EPN2: variants seen among roughly 807,000 people sequenced by gnomAD.
EPN2 encodes epsin-2.
Under a neutral mutation model 61.7 loss-of-function variants are expected in EPN2, and 34 were observed. The observed-to-expected ratio is 0.55, with a 90% CI of 0.42 to 0.73. EPN2 has a LOEUF of 0.73. EPN2 is among the 30% of genes least tolerant of loss of function. EPN2 has a pLI of 0.00. For missense variants in EPN2, 714 were observed against 839.2 expected (o/e 0.85, Z 1.84); for synonymous variants, 349 against 353.6 (o/e 0.99, Z 0.15).
At chr17:19,243,275 G>T (rs1321503859) in intron 1 of EPN2, among the ~76,000 whole-genome samples, 1 of 148,952 alleles carries the variant, frequency 6.7e-6, no homozygotes, top group Non-Finnish European at 1.5e-5. Flanking sequence ...GCTGGAGTGC[G>T]GTGGCGCGAT....
chr17:19,296,090 G>A (rs908351315), intron 4 of EPN2, among the ~76,000 whole-genome samples: 1 of 152,002 alleles, frequency 6.6e-6, no homozygotes, highest in Non-Finnish European at 1.5e-5. Flanking sequence ...AGCTCCTCCC[G>A]CAAGTCCACT....
chr17:19,267,507 G>A (rs982692922), intron 1 of EPN2, among the ~76,000 whole-genome samples: 1 of 150,322 alleles, frequency 6.7e-6, no homozygotes, highest in Non-Finnish European at 1.5e-5. Context: ...GTAAGTTGAT[G>A]TGAAGAAAAA....
At chr17:19,290,001 G>A (rs2045447219) in intron 4 of EPN2, among the ~76,000 whole-genome samples, 3 of 152,090 alleles carry the variant, frequency 2.0e-5, no homozygotes. Context: ...GATTACAGGC[G>A]TGAGCCACCA....
intron 1 of EPN2, among the ~76,000 whole-genome samples, chr17:19,266,371 C>T (rs1439046958): frequency 6.6e-6 from 1 of 152,058 alleles, no homozygotes; most frequent in Non-Finnish European, 1.5e-5. Context: ...ACAAACACCC[C>T]ATAGATGTCC....
At chr17:19,286,550 C>T (rs1406711220) in intron 4 of EPN2, among the ~76,000 whole-genome samples, 2 of 152,206 alleles carry the variant, frequency 1.3e-5, no homozygotes, top group South Asian at 2.1e-4. Flanking sequence ...GGGTTCTCTG[C>T]TACAGGGAAG....
At chr17:19,314,032 A>G (rs1354567876) in intron 7 of EPN2, among the ~76,000 whole-genome samples, 2 of 152,138 alleles carry the variant, frequency 1.3e-5, no homozygotes, top group Non-Finnish European at 2.9e-5. Flanking sequence ...ATCTTGTGGC[A>G]TCTTGCCTGT....
Position 19,282,985 on chromosome 17 carries a change from A to G in EPN2, c.-135A>G, listed in dbSNP as rs2045372425. 3 of 655,512 alleles carry G rather than the reference A, an allele frequency of 4.6e-6. No homozygotes were observed. The highest frequency in any genetic ancestry group is 2.8e-5 in the East Asian group (1 of 35,982). The allele number at this position is 655,512 out of a possible 1,614,324, so 40.6% of individuals were successfully genotyped here. ...CCAGCTTTTCGAATCTGAGGCTCCA[A>G]AGGAGGAAATGACCATTCAGGGATC... On this transcript the variant is annotated 5_prime_UTR_variant, in exon 3 of 11. Coordinates refer to ENST00000314728, the MANE Select transcript of EPN2 (RefSeq NM_014964.5).
At chr17:19,242,119 T>C (rs2044890696) in intron 1 of EPN2, among the ~76,000 whole-genome samples, 1 of 137,810 alleles carries the variant, frequency 7.3e-6, no homozygotes, top group Non-Finnish European at 1.5e-5. Context: ...ACACTAGATT[T>C]GGTGTTTGAT....
intron 1 of EPN2, among the ~76,000 whole-genome samples, chr17:19,272,341 C>T (rs1003132892): frequency 2.0e-5 from 3 of 152,110 alleles, no homozygotes; most frequent in Non-Finnish European, 2.9e-5. Context: ...GTTTTTTGCC[C>T]ACCATGAAGC....
At chr17:19,319,243 T>TA (rs1446933896) in intron 7 of EPN2, among the ~76,000 whole-genome samples, 2 of 152,164 alleles carry the variant, frequency 1.3e-5, no homozygotes, top group Non-Finnish European at 2.9e-5. Flanking sequence ...TGTTAACTCT[T>TA]AAAGATATAA....
rs565393772 is a variant in EPN2 at position 19,304,870 on chromosome 17, C to T, written c.767-5015C>T. ...GTGAGAGGTGGTAGCAGTGCTTGGG[C>T]CCACATGGGGTCTTCTCACGCCCCC... On this transcript the variant is annotated intron_variant, in intron 4 of 10. Coordinates refer to ENST00000314728, the MANE Select transcript of EPN2 (RefSeq NM_014964.5). Among the ~76,000 whole-genome samples, 13 of 152,280 alleles carry T rather than the reference C, an allele frequency of 8.5e-5. No homozygotes were observed. In the East Asian group the frequency reaches 2.5e-3, roughly 29 times the overall value.
At chr17:19,333,779 G>T (rs578106975) in intron 10 of EPN2, among the ~76,000 whole-genome samples, 177 bp from the exon 11 acceptor site, 3 of 152,322 alleles carry the variant, frequency 2.0e-5, no homozygotes, top group African/African-American at 7.2e-5. Flanking sequence ...CATCCTTAAA[G>T]TGCAGATTCA....
At position 19,284,573 on chromosome 17, in the gene EPN2, T is replaced by C. The variant is rs146329786; in HGVS notation, c.595+859T>C. Among the ~76,000 whole-genome samples, 1,065 of 152,292 alleles carry C rather than the reference T, an allele frequency of 7.0e-3. 11 individuals are homozygous for C. Among genetic ancestry groups the C allele is most frequent in the African/African-American group, 0.025 (1,030 of 41,536 alleles). ...GGAGGTGGGGATTGTAGAAATTATA[T>C]CTTCTGGCTGCTAAAACAAAAGTGC... On this transcript the variant is annotated intron_variant, in intron 3 of 10. Transcript: ENST00000314728.
At chr17:19,324,145 A>G (rs539179229) in intron 7 of EPN2, among the ~76,000 whole-genome samples, 1 of 152,402 alleles carries the variant, frequency 6.6e-6, no homozygotes, top group Admixed American at 6.5e-5. Flanking sequence ...TCCTAGACAG[A>G]AAAGCTAGTC....
At chr17:19,328,306 C>A (rs1344238296) in intron 7 of EPN2, among the ~76,000 whole-genome samples, 1 of 152,134 alleles carries the variant, frequency 6.6e-6, no homozygotes, top group African/African-American at 2.4e-5. Context: ...GGGAGGGCTG[C>A]CTGGGGCCCC....
rs139345850 is a variant in EPN2 at position 19,265,288 on chromosome 17, G to C, written c.-293-16667G>C. ...CTGTACTTAGGAGACTGAGGTAAGA[G>C]AATCACTTGTGCCTGGGAGGTCCAG... On this transcript the variant is annotated intron_variant, in intron 1 of 10. Coordinates refer to ENST00000314728, the MANE Select transcript of EPN2 (RefSeq NM_014964.5). Among the ~76,000 whole-genome samples the C allele has an allele frequency of 1.4e-3, 206 of 151,422 alleles. 4 individuals are homozygous for C. The South Asian group carries it at 0.02, about 14-fold the overall frequency.
At position 19,312,135 on chromosome 17, in the gene EPN2, A is replaced by G. The variant is rs756203694; in HGVS notation, c.963A>G (p.Lys321=). ...ESRRDTVKIP[K]KKEHGSLPQQ... ...GAAGGGACACAGTTAAAATTCCAAA[A>G]AAGAAAGAGGTAAGAGCTTGCTGGG... Residue 321 remains lysine (K), a synonymous_variant, in exon 6 of 11, where the codon AAA becomes AAG. Coordinates refer to ENST00000314728, the MANE Select transcript of EPN2 (RefSeq NM_014964.5). The G allele has an allele frequency of 3.1e-6, 5 of 1,613,348 alleles. No individual in the cohort carries two copies. The South Asian group carries it at 5.5e-5, about 18-fold the overall frequency.
chr17:19,249,930 T>C (rs1387899916), intron 1 of EPN2, among the ~76,000 whole-genome samples: 1 of 151,988 alleles, frequency 6.6e-6, no homozygotes, highest in Admixed American at 6.6e-5. Context: ...CTCGTGCTCC[T>C]TCCATCTTTA....
At chr17:19,326,153 T>C (rs1257918994) in intron 7 of EPN2, among the ~76,000 whole-genome samples, 2 of 152,218 alleles carry the variant, frequency 1.3e-5, no homozygotes, top group African/African-American at 4.8e-5. Context: ...GATCTTGGTT[T>C]GGAAAACTCA....
Sources: allele counts gnomAD v4.1 joint callset (sites outside exome capture counted in the v4.1 genomes callset), GRCh38; gene constraint gnomAD v4.1.1; transcripts MANE v1.5; gene names NCBI Gene and HGNC (gene_info 2026-07-23, HGNC 2026-07-21).